KBTBD11: variants seen among roughly 807,000 people sequenced by gnomAD.
KBTBD11 encodes the protein kelch repeat and BTB domain containing 11.
For missense variants in KBTBD11, 1,390 were observed against 1,001.8 expected, an observed-to-expected ratio of 1.39 and a Z score of -5.23; for synonymous variants, 747 against 499.0, an observed-to-expected ratio of 1.50 and a Z score of -6.63.
intron 1 of KBTBD11, among the ~76,000 whole-genome samples, chr8:1,977,281 A>G (rs1171981825): frequency 6.6e-6 from 1 of 152,198 alleles, no homozygotes; most frequent in East Asian, 1.9e-4. Context: ...AAATAGGAAG[A>G]TGCACATAGA....
intron 1 of KBTBD11, among the ~76,000 whole-genome samples, chr8:1,997,059 C>A (rs1252009978): frequency 6.6e-6 from 1 of 152,176 alleles, no homozygotes; most frequent in Non-Finnish European, 1.5e-5. Flanking sequence ...TTCTGTGTCG[C>A]CTGGTTGTGA....
intron 1 of KBTBD11, among the ~76,000 whole-genome samples, chr8:1,978,749 A>G (rs1816437844): frequency 1.3e-5 from 2 of 152,174 alleles, no homozygotes; most frequent in Admixed American, 6.5e-5. Flanking sequence ...TCCATGCGGC[A>G]TGTTTGGAAA....
chr8:1,994,010 G>A (rs1337498929), intron 1 of KBTBD11, among the ~76,000 whole-genome samples: 1 of 151,614 alleles, frequency 6.6e-6, no homozygotes, highest in East Asian at 1.9e-4. Flanking sequence ...CCATGAGCTC[G>A]TGCAGTAGGA....
At chr8:1,974,112 AGGGAG>A (rs1185021767) in intron 1 of KBTBD11, 177 bp downstream of exon 1, 11 of 78,622 alleles carry the variant, frequency 1.4e-4, no homozygotes, top group South Asian at 1.2e-3. Flanking sequence ...CCGGCAGGGG[AGGGAG>A]GGGAGCGGAG....
In KBTBD11 at chr8:1,974,368, ACGGAAG is replaced by A. The variant is rs904764592; in HGVS notation, c.-909+435_-909+440del. The stretch of plus-strand genomic sequence containing the variant: ...CGAGGGTCCCGCCGCCCCAGCCGGC[ACGGAAG>A]CAGGAGCAGAAGCCGAAGCCAAGCG... On this transcript the variant is annotated intron_variant, in intron 1 of 1. Transcript: ENST00000320248. 1.7e-5 allele frequency: 17 copies of A among 984,368 alleles called. No individual in the cohort carries two copies. The South Asian group carries it at 4.7e-4, about 27-fold the overall frequency. 61.0% of individuals were successfully genotyped at this position (984,368 alleles called of 1,614,324 possible). A position where few individuals can be genotyped will look rare whatever the true frequency, so the allele number is the denominator to read the frequency against.
chr8:1,993,768 C>T (rs995145804), intron 1 of KBTBD11, among the ~76,000 whole-genome samples: 1 of 151,754 alleles, frequency 6.6e-6, no homozygotes, highest in Non-Finnish European at 1.5e-5. Context: ...CAACTAAAAC[C>T]GGAAGTGAGG....
intron 1 of KBTBD11, among the ~76,000 whole-genome samples, chr8:1,977,001 T>C (rs1816369221): frequency 6.6e-6 from 1 of 152,086 alleles, no homozygotes; most frequent in South Asian, 2.1e-4. Context: ...CTCCAACCCA[T>C]GGGCCACGAG....
chr8:2,001,983 T>A lies in KBTBD11; in HGVS notation c.791T>A (p.Leu264Gln). 2 of 1,444,288 alleles carry A rather than the reference T, an allele frequency of 1.4e-6. No homozygotes were observed. The highest frequency in any genetic ancestry group is 1.8e-6 in the Non-Finnish European group (2 of 1,093,178). 89.5% of individuals were successfully genotyped at this position (1,444,288 alleles called of 1,614,324 possible). The change falls in exon 2 of 2, where the codon CTG becomes CAG. Residue 264 changes from leucine to glutamine, a missense_variant. By Grantham distance (113) the Leu-to-Gln change is moderately radical. Coordinates refer to ENST00000320248, the MANE Select transcript of KBTBD11 (RefSeq NM_014867.3). ...AAYCFMSDHY[L>Q]EVLREPAVFG... ...TACTGCTTCATGAGCGACCACTATC[T>A]GGAGGTGCTGCGCGAGCCCGCCGTG... is the stretch of plus-strand genomic sequence containing the variant.
intron 1 of KBTBD11, among the ~76,000 whole-genome samples, chr8:1,997,102 C>G (rs944619067): frequency 6.6e-6 from 1 of 152,110 alleles, no homozygotes; most frequent in Admixed American, 6.6e-5. Flanking sequence ...CCCTTGTTGA[C>G]GATCACCCAG....
At chr8:1,986,943 C>T (rs957293598) in intron 1 of KBTBD11, among the ~76,000 whole-genome samples, 1 of 136,744 alleles carries the variant, frequency 7.3e-6, no homozygotes, top group Non-Finnish European at 1.5e-5. Flanking sequence ...GAGGCTGATG[C>T]AGGAGGACCA....
In KBTBD11 at chr8:1,973,811, C is replaced by T; in HGVS notation, c.-1033C>T. ...GGGTCGGAGGAGCAGCTCCCGCTCG[C>T]AGGTGCTCGGAGAGGCCGGGCCGCG... On this transcript the variant is annotated 5_prime_UTR_variant, in exon 1 of 2. Transcript: ENST00000320248. The T allele has an allele frequency of 1.0e-6, 1 of 983,410 alleles. No homozygotes were observed. Among genetic ancestry groups the T allele is most frequent in the African/African-American group, 1.8e-5 (1 of 57,034 alleles). The allele number at this position is 983,410 out of a possible 1,614,324, so 60.9% of individuals were successfully genotyped here.
chr8:1,991,117 C>T (rs965677747), intron 1 of KBTBD11, among the ~76,000 whole-genome samples: 8 of 151,814 alleles, frequency 5.3e-5, no homozygotes, highest in African/African-American at 1.9e-4. Context: ...GCCTTGGCGC[C>T]CTGTCCGGGT....
chr8:1,988,853 T>C (rs1483779724), intron 1 of KBTBD11, among the ~76,000 whole-genome samples: 1 of 152,240 alleles, frequency 6.6e-6, no homozygotes, highest in Non-Finnish European at 1.5e-5. Flanking sequence ...AATGAATGAA[T>C]ATTGCTAATT....
At chr8:1,990,313 ACTGGGCCTT>A in intron 1 of KBTBD11, among the ~76,000 whole-genome samples, 1 of 36,366 alleles carries the variant, frequency 2.7e-5, no homozygotes, top group South Asian at 1.1e-3. Flanking sequence ...CCGGGTGGGT[ACTGGGCCTT>A]GGTGCCCTGT....
rs566566572 is a variant in KBTBD11, at chr8:1,989,407, C to T, written c.-908-10878C>T. 1.6e-4 allele frequency among the ~76,000 whole-genome samples: 24 copies of T among 152,280 alleles called. No homozygotes were observed. In the South Asian group the frequency reaches 3.5e-3, roughly 22 times the overall value. On this transcript the variant is annotated intron_variant, in intron 1 of 1. Coordinates refer to ENST00000320248, the MANE Select transcript of KBTBD11 (RefSeq NM_014867.3). The stretch of plus-strand genomic sequence containing the variant: ...TAACTAGAGCGAGGACAGGCGCCAG[C>T]GGCTCCCTGTCCAATCTTGTTTTGG...
At chr8:1,987,007 CAAAAAA>C (rs59934216) in intron 1 of KBTBD11, among the ~76,000 whole-genome samples, 7 of 62,022 alleles carry the variant, frequency 1.1e-4, no homozygotes, top group Middle Eastern at 0.014. Context: ...CCTATCTCTC[CAAAAAA>C]AAAAAAAAAA....
At chr8:1,996,139 ACTGTGTGAATGG>A (rs1289786323) in intron 1 of KBTBD11, among the ~76,000 whole-genome samples, 2 of 152,226 alleles carry the variant, frequency 1.3e-5, no homozygotes, top group African/African-American at 4.8e-5. Flanking sequence ...TGGCTACTTA[ACTGTGTGAATGG>A]CATCTTTCTG....
Position 1,973,681 on chromosome 8 carries a change from C to T in KBTBD11, c.-1163C>T. The T allele has an allele frequency of 1.0e-6, 1 of 982,958 alleles. No individual in the cohort carries two copies. The highest frequency in any genetic ancestry group is 4.7e-5 in the South Asian group (1 of 21,280). 60.9% of individuals were successfully genotyped at this position (982,958 alleles called of 1,614,324 possible). On this transcript the variant is annotated 5_prime_UTR_variant, in exon 1 of 2. Transcript: ENST00000320248. ...CACGCGCCCGCCCCCCTCCCCGCGC[C>T]CCGCGCGCGCCCCTCGCAGCCTGGA...
chr8:2,002,820 T>C lies in KBTBD11; in HGVS notation c.1628T>C (p.Leu543Pro), dbSNP rs2129317016. The part of the protein sequence containing the change: ...QWSPCVAPLR[L>P]PGGPTGLQPF... The stretch of plus-strand genomic sequence containing the variant: ...AGCCCGTGCGTCGCGCCCCTGCGCC[T>C]CCCCGGCGGCCCCACGGGCCTGCAG... Residue 543 changes from leucine (L) to proline (P), a missense_variant, in exon 2 of 2, where the codon CTC (leucine) becomes CCC (proline). Physicochemically the swap from Leu to Pro is moderately conservative, Grantham distance 98. Transcript: ENST00000320248. This position sits in a 1 kb window ranked among gnomAD's most constrained non-coding sequence, Gnocchi z 4.1. The C allele has an allele frequency of 7.0e-7, 1 of 1,431,036 alleles. No homozygotes were observed. The highest frequency in any genetic ancestry group is 1.4e-5 in the South Asian group (1 of 70,052). 88.6% of individuals were successfully genotyped at this position (1,431,036 alleles called of 1,614,324 possible).
Sources: allele counts gnomAD v4.1 joint callset (sites outside exome capture counted in the v4.1 genomes callset), GRCh38; gene constraint gnomAD v4.1.1; non-coding constraint Gnocchi (gnomAD v3.1); transcripts MANE v1.5; gene names NCBI Gene and HGNC (gene_info 2026-07-23, HGNC 2026-07-21).